Variants in SEPSECS observed in about 807,000 individuals in gnomAD.
SEPSECS encodes O-phosphoseryl-tRNA(Sec) selenium transferase.
In SEPSECS, 42 loss-of-function variants were observed where a neutral mutation model predicts 52.1. The observed-to-expected ratio is 0.81, with a 90% CI of 0.63 to 1.04. SEPSECS has a LOEUF of 1.04. Ranked by LOEUF, SEPSECS falls within the 50% of genes least tolerant of loss-of-function variation. The pLI is 0.00. For missense variants in SEPSECS, 590 were observed against 610.6 expected (o/e 0.97, Z 0.36); for synonymous variants, 216 against 211.4 (o/e 1.02, Z -0.19).
chr4:25,155,228 C>T (rs1319091948), intron 4 of SEPSECS, 77 bp from the exon 5 acceptor site: 10 of 1,445,784 alleles, frequency 6.9e-6, no homozygotes, highest in African/African-American at 2.8e-5. Flanking sequence ...AGGAAGCATG[C>T]TATTCTACAC....
intron 8 of SEPSECS, among the ~76,000 whole-genome samples, chr4:25,143,155 A>G (rs1711710676): frequency 6.6e-6 from 1 of 152,164 alleles, no homozygotes; most frequent in Non-Finnish European, 1.5e-5. Context: ...AGTTTATAAA[A>G]CCAGAGTTTT....
Position 25,160,344 on chromosome 4 carries a change from C to G in SEPSECS, c.26G>C (p.Gly9Ala). The G allele has an allele frequency of 6.5e-7, 1 of 1,548,816 alleles. No homozygotes were observed. The highest frequency in any genetic ancestry group is 8.7e-7 in the Non-Finnish European group (1 of 1,145,606). MNRESFAAGERLVSPAYVR... is the reference protein window; with the variant it reads MNRESFAAAERLVSPAYVR... ...GTAAGCCGGCGACACCAGCCGCTCT[C>G]CCGCCGCGAAGCTCTCGCGGTTCAT... Residue 9 changes from glycine to alanine, a missense_variant, in exon 1 of 11, where the codon GGA (glycine) becomes GCA (alanine). Gly to Ala is a moderately conservative substitution (Grantham distance 60). Coordinates refer to ENST00000382103, the MANE Select transcript of SEPSECS (RefSeq NM_016955.4).
At chr4:25,151,883 G>T in intron 6 of SEPSECS, 77 bp downstream of exon 6, 1 of 834,644 alleles carries the variant, frequency 1.2e-6, no homozygotes, top group Non-Finnish European at 2.1e-6. Flanking sequence ...ATATCAGATT[G>T]TAAGAAAAAG....
intron 6 of SEPSECS, among the ~76,000 whole-genome samples, chr4:25,151,461 C>G (rs530948618): frequency 6.6e-6 from 1 of 152,082 alleles, no homozygotes; most frequent in Non-Finnish European, 1.5e-5. Context: ...ACATGGGAAA[C>G]AAAGACATAT....
intron 8 of SEPSECS, 28 bp downstream of exon 8, chr4:25,144,746 T>C (rs1459277171): frequency 6.7e-7 from 1 of 1,484,548 alleles, no homozygotes; most frequent in East Asian, 2.3e-5. Context: ...GTCAAGAATG[T>C]TATTCGACAC....
At position 25,153,712 on chromosome 4, in the gene SEPSECS, T is replaced by C. The variant is rs532558939; in HGVS notation, c.701+1286A>G. Among the ~76,000 whole-genome samples the C allele has an allele frequency of 9.9e-5, 15 of 152,136 alleles. No homozygotes were observed. The South Asian group carries it at 2.9e-3, about 29-fold the overall frequency. On this transcript the variant is annotated intron_variant, in intron 5 of 10. Transcript: ENST00000382103. Reference sequence around the variant, plus strand: ...AAAAACAAAATGTGGTTTTAAAATTTAATAAAGTCAGAAATTCAAACATTA... The same window carrying C: ...AAAAACAAAATGTGGTTTTAAAATTCAATAAAGTCAGAAATTCAAACATTA...
intron 6 of SEPSECS, among the ~76,000 whole-genome samples, chr4:25,146,077 A>C (rs1388868298): frequency 6.6e-6 from 1 of 152,192 alleles, no homozygotes; most frequent in African/African-American, 2.4e-5. Flanking sequence ...CTTTCTGTCT[A>C]ATGTGCTTCA....
intron 8 of SEPSECS, among the ~76,000 whole-genome samples, chr4:25,139,384 C>CTTTTTTTTTT (rs5856888): frequency 1.8e-5 from 2 of 108,848 alleles, no homozygotes; most frequent in Non-Finnish European, 1.7e-5. Flanking sequence ...AAAGTTGTGT[C>CTTTTTTTTTT]TTTTTTTTTT....
chr4:25,148,156 C>T (rs531356139), intron 6 of SEPSECS, among the ~76,000 whole-genome samples: 33 of 151,928 alleles, frequency 2.2e-4, no homozygotes, highest in South Asian at 6.2e-4. Context: ...ATTGAGACCA[C>T]CCTGGCTAAC....
At position 25,155,969 on chromosome 4, in the gene SEPSECS, T is replaced by C; in HGVS notation, c.547+68A>G. 5 of 1,424,996 alleles carry C rather than the reference T, an allele frequency of 3.5e-6. No individual in the cohort carries two copies. The South Asian group carries it at 4.8e-5, about 14-fold the overall frequency. 88.3% of individuals were successfully genotyped at this position (1,424,996 alleles called of 1,614,324 possible). A position where few individuals can be genotyped will look rare whatever the true frequency, so the allele number is the denominator to read the frequency against. ...AGTTAGTTTATTTTTCATTTATCTATCTTTATATAAGAAATCTGAATTTCA... is the reference window on the plus strand; with the variant it reads ...AGTTAGTTTATTTTTCATTTATCTACCTTTATATAAGAAATCTGAATTTCA... On this transcript the variant is annotated intron_variant, in intron 4 of 10. Coordinates refer to ENST00000382103, the MANE Select transcript of SEPSECS (RefSeq NM_016955.4).
intron 1 of SEPSECS, 145 bp downstream of exon 1, chr4:25,160,111 C>CA (rs1221721061): frequency 6.9e-7 from 1 of 1,453,586 alleles, no homozygotes; most frequent in African/African-American, 1.4e-5. Flanking sequence ...CGCAGTCGGT[C>CA]AGCTAGGGCA....
chr4:25,147,981 C>G (rs576970166), intron 6 of SEPSECS, among the ~76,000 whole-genome samples: 16 of 152,120 alleles, frequency 1.1e-4, no homozygotes, highest in Non-Finnish European at 2.1e-4. Flanking sequence ...CTTAATCCCA[C>G]TTATTTTATT....
At chr4:25,132,669 T>A (rs544207219) in intron 8 of SEPSECS, among the ~76,000 whole-genome samples, 87 of 152,322 alleles carry the variant, frequency 5.7e-4, no homozygotes, top group African/African-American at 2.1e-3. Flanking sequence ...CCTAGAGATA[T>A]TCTCTCTTAT....
At chr4:25,160,089 G>GA in intron 1 of SEPSECS, 167 bp downstream of exon 1, 2 of 985,456 alleles carry the variant, frequency 2.0e-6, no homozygotes, top group South Asian at 9.4e-5. Context: ...GCAAGGCTGA[G>GA]AAGGCACAGA....
rs757204486 is a variant in SEPSECS, at chr4:25,145,117, C to T, written c.821G>A (p.Arg274Lys). 6.2e-6 allele frequency: 10 copies of T among 1,613,802 alleles called. No homozygotes were observed. In the African/African-American group the frequency reaches 1.1e-4, roughly 17 times the overall value. ...HLIQQGARVGRIDAFVQSLDK... is the reference protein window; with the variant it reads ...HLIQQGARVGKIDAFVQSLDK... ...CAAGCTCTGAACAAAAGCATCTATT[C>T]TACCAACTCGAGCCCCCTGGAATCA... The change falls in exon 7 of 11, where the codon AGA becomes AAA. Residue 274 changes from arginine (R) to lysine (K), a missense_variant. Arg to Lys is a conservative substitution (Grantham distance 26). Transcript: ENST00000382103.
chr4:25,125,840 C>A, intron 9 of SEPSECS, 56 bp from the exon 10 acceptor site: 2 of 1,011,976 alleles, frequency 2.0e-6, no homozygotes, highest in South Asian at 2.7e-5. Context: ...AAAAATCACT[C>A]AAATAATAAC....
chr4:25,154,404 C>T (rs545971958), intron 5 of SEPSECS, among the ~76,000 whole-genome samples: 1 of 152,268 alleles, frequency 6.6e-6, no homozygotes, highest in Admixed American at 6.5e-5. Flanking sequence ...ATCTGTATTA[C>T]TAGACATGAG....
chr4:25,155,065 G>A lies in SEPSECS; in HGVS notation c.634C>T (p.Leu212Phe), dbSNP rs202043298. The A allele has an allele frequency of 6.2e-7, 1 of 1,614,158 alleles. No individual in the cohort carries two copies. The highest frequency in any genetic ancestry group is 8.5e-7 in the Non-Finnish European group (1 of 1,179,998). Residue 212 changes from leucine (L) to phenylalanine (F), a missense_variant, in exon 5 of 11, where the codon CTT becomes TTT. Transcript: ENST00000382103. ...ATACACAGAATGCAATCAGGCCCAA[G>A]TTCCTGGACTTTAGCCTCCACTGCT... is the stretch of plus-strand genomic sequence containing the variant. ...LKAVEAKVQE[L>F]GPDCILCIHS...
Position 25,144,895 on chromosome 4 carries a change from A to C in SEPSECS, c.935-30T>G, listed in dbSNP as rs763234234. The C allele has an allele frequency of 3.8e-6, 6 of 1,594,250 alleles. No individual in the cohort carries two copies. In the East Asian group the frequency reaches 1.3e-4, roughly 36 times the overall value. On this transcript the variant is annotated intron_variant, in intron 7 of 10. Coordinates refer to ENST00000382103, the MANE Select transcript of SEPSECS (RefSeq NM_016955.4). The stretch of plus-strand genomic sequence containing the variant: ...AATAAGAAGGATAAGTTACATTAAG[A>C]CTGTGGTGGGGGGGTAGCTTTGGAA...
Sources: allele counts gnomAD v4.1 joint callset (sites outside exome capture counted in the v4.1 genomes callset), GRCh38; gene constraint gnomAD v4.1.1; transcripts MANE v1.5; gene names NCBI Gene and HGNC (gene_info 2026-07-23, HGNC 2026-07-21).